The following SIPA1L1 variants were observed in gnomAD, a reference collection of about 807,000 sequenced individuals.
The protein encoded by SIPA1L1 is signal induced proliferation associated 1 like 1.
Under a neutral mutation model 162.7 loss-of-function variants are expected in SIPA1L1, and 26 were observed. That is an observed-to-expected ratio of 0.16 (90% confidence interval 0.12 to 0.22). The LOEUF is 0.22. Ranked by LOEUF, SIPA1L1 falls within the 10% of genes least tolerant of loss-of-function variation. The pLI, the probability that SIPA1L1 is intolerant of heterozygous loss-of-function variation, is 1.00. For missense variants in SIPA1L1, 1,874 were observed against 2,241.0 expected, an observed-to-expected ratio of 0.84 and a Z score of 3.31; for synonymous variants, 829 against 837.4, an observed-to-expected ratio of 0.99 and a Z score of 0.17.
intron 2 of SIPA1L1, chr14:71,330,301 G>A: frequency 5.3e-6 from 4 of 753,304 alleles, no homozygotes; most frequent in Middle Eastern, 3.6e-4. Context: ...CATGTTGTGG[G>A]AGAGTCCACA....
intron 2 of SIPA1L1, among the ~76,000 whole-genome samples, chr14:71,349,040 A>G (rs926829958): frequency 6.6e-6 from 1 of 152,262 alleles, no homozygotes; most frequent in African/African-American, 2.4e-5. Flanking sequence ...TACTGTTAGC[A>G]AAAGACAGGT....
At chr14:71,575,447 G>A (rs2032870769) in intron 4 of SIPA1L1, among the ~76,000 whole-genome samples, 1 of 152,146 alleles carries the variant, frequency 6.6e-6, no homozygotes, top group African/African-American at 2.4e-5. Context: ...AAAATTTTCA[G>A]TAAGCATATA....
chr14:71,696,134 C>T (rs2081608357), intron 13 of SIPA1L1, among the ~76,000 whole-genome samples: 1 of 152,188 alleles, frequency 6.6e-6, no homozygotes, highest in Admixed American at 6.5e-5. Context: ...ACCTGCCCCA[C>T]GCATACACTA....
intron 2 of SIPA1L1, among the ~76,000 whole-genome samples, chr14:71,427,887 A>G (rs2140880217): frequency 6.6e-6 from 1 of 151,422 alleles, no homozygotes; most frequent in Admixed American, 6.6e-5. Context: ...GCCAACAAGT[A>G]TTTTTCAGGG....
intron 2 of SIPA1L1, among the ~76,000 whole-genome samples, chr14:71,510,123 A>G (rs1238265582): frequency 6.8e-6 from 1 of 147,242 alleles, no homozygotes; most frequent in East Asian, 2.0e-4. Flanking sequence ...TTTTCTCTTT[A>G]TACAGCTTGC....
chr14:71,738,949 A>G, intron 23 of SIPA1L1, 69 bp from the exon 24 acceptor site: 2 of 1,532,280 alleles, frequency 1.3e-6, no homozygotes, highest in Admixed American at 2.0e-5. Context: ...GTCCATAGCT[A>G]TTACTCAGAA....
chr14:71,698,154 A>G (rs1408111860), intron 13 of SIPA1L1, among the ~76,000 whole-genome samples: 1 of 152,194 alleles, frequency 6.6e-6, no homozygotes, highest in Admixed American at 6.5e-5. Context: ...CATCGTTACT[A>G]AGGGTTAGCT....
intron 10 of SIPA1L1, among the ~76,000 whole-genome samples, chr14:71,667,283 C>CT (rs1457695807): frequency 6.6e-6 from 1 of 152,088 alleles, no homozygotes; most frequent in Non-Finnish European, 1.5e-5. Flanking sequence ...TCCTGCTTTT[C>CT]TTTTTTCTGA....
At chr14:71,699,248 G>T in intron 14 of SIPA1L1, 121 bp downstream of exon 14, 2 of 969,606 alleles carry the variant, frequency 2.1e-6, no homozygotes, top group East Asian at 4.9e-5. Flanking sequence ...ACAAACAAAA[G>T]AGAAAACGTA....
intron 13 of SIPA1L1, among the ~76,000 whole-genome samples, chr14:71,687,960 A>G (rs946169959): frequency 1.2e-4 from 19 of 152,216 alleles, no homozygotes; most frequent in Non-Finnish European, 2.6e-4. Context: ...TTCAGATCTT[A>G]GGATGCAGGG....
In SIPA1L1 at chr14:71,672,574, C is replaced by A. The variant is rs746877496; in HGVS notation, c.3056C>A (p.Thr1019Lys). The part of the protein sequence containing the change: ...QMIDLLRTSV[T>K]VKVVIIPPHD... ...ATCGACCTCCTGAGAACATCTGTCA[C>A]GGTGAAGGTTGTCATCATTCCCCCG... Residue 1019 changes from threonine to lysine, a missense_variant, in exon 12 of 24, where the codon ACG becomes AAG. Physicochemically the swap from Thr to Lys is moderately conservative, Grantham distance 78. Around this residue, in one of 5 missense-constraint regions of SIPA1L1, gnomAD observed 936 missense variants for 1,051.9 expected, o/e 0.89. Transcript: ENST00000381232. 4 of 1,614,184 alleles carry A rather than the reference C, an allele frequency of 2.5e-6. No individual in the cohort carries two copies. The East Asian group carries it at 8.9e-5, about 36-fold the overall frequency.
chr14:71,662,761 A>G (rs2043645013), intron 10 of SIPA1L1, among the ~76,000 whole-genome samples: 1 of 152,248 alleles, frequency 6.6e-6, no homozygotes, highest in Admixed American at 6.5e-5. Flanking sequence ...ACCCCCAACA[A>G]TGAAGACCTA....
chr14:71,660,272 G>A (rs372142074), intron 9 of SIPA1L1, among the ~76,000 whole-genome samples: 1 of 151,964 alleles, frequency 6.6e-6, no homozygotes, highest in Non-Finnish European at 1.5e-5. Flanking sequence ...TTTTCATAAC[G>A]TCTGTTTGTA....
rs1490205959 is a variant in SIPA1L1, at chr14:71,723,702, T to C, written c.4264T>C (p.Ser1422Pro). 1 of 1,614,072 alleles carries C rather than the reference T, an allele frequency of 6.2e-7. No individual in the cohort carries two copies. The highest frequency in any genetic ancestry group is 8.5e-7 in the Non-Finnish European group (1 of 1,180,036). ...SPVVFTSARS[S>P]PKEELHPAAP... ...AGTGGTTTTCACCAGTGCCCGGAGTTCACCTAAAGAAGAGCTTCATCCAGC... is the reference window on the plus strand; with the variant it reads ...AGTGGTTTTCACCAGTGCCCGGAGTCCACCTAAAGAAGAGCTTCATCCAGC... The change falls in exon 18 of 24, where the codon TCA becomes CCA. Residue 1422 changes from serine (S) to proline (P), a missense_variant. Ser to Pro is a moderately conservative substitution (Grantham distance 74). Around this residue, in one of 5 missense-constraint regions of SIPA1L1, gnomAD observed 936 missense variants for 1,051.9 expected, o/e 0.89. Transcript: ENST00000381232.
chr14:71,678,319 A>G (rs1426533725), intron 12 of SIPA1L1, among the ~76,000 whole-genome samples: 3 of 152,214 alleles, frequency 2.0e-5, no homozygotes, highest in African/African-American at 4.8e-5. Flanking sequence ...AGTCCCATCA[A>G]TACATAATTT....
In SIPA1L1 at chr14:71,590,032, AAAAAAAAAAAAAATAT is replaced by A. The variant is rs1317064327; in HGVS notation, c.1498+664_1498+679del. On this transcript the variant is annotated intron_variant, in intron 5 of 23. Coordinates refer to ENST00000381232, the MANE Select transcript of SIPA1L1 (RefSeq NM_001386936.1). ...TTTGAGTGGGAGAGTAAAAAAAAAAAAAAAAAAAAAAAATATATATATATATATATATATATATATA... is the reference window on the plus strand; with the variant it reads ...TTTGAGTGGGAGAGTAAAAAAAAAAAATATATATATATATATATATATATA... 2.6e-4 allele frequency among the ~76,000 whole-genome samples: 17 copies of A among 64,482 alleles called. No individual in the cohort carries two copies. The East Asian group carries it at 3.4e-3, about 13-fold the overall frequency. The allele number at this position is 64,482 out of a possible 152,430, so 42.3% of individuals were successfully genotyped here. A position where few individuals can be genotyped will look rare whatever the true frequency, so the allele number is the denominator to read the frequency against.
At chr14:71,564,149 A>T (rs141333228) in intron 4 of SIPA1L1, among the ~76,000 whole-genome samples, 7 of 151,812 alleles carry the variant, frequency 4.6e-5, no homozygotes, top group Admixed American at 1.3e-4. Flanking sequence ...GAGTCTTGCT[A>T]TGTTTTCTAG....
At chr14:71,607,833 C>T (rs984330731) in intron 5 of SIPA1L1, among the ~76,000 whole-genome samples, 1 of 152,146 alleles carries the variant, frequency 6.6e-6, no homozygotes, top group African/African-American at 2.4e-5. Flanking sequence ...AACTACCTTG[C>T]TTGCTGATTT....
intron 2 of SIPA1L1, among the ~76,000 whole-genome samples, chr14:71,487,440 A>C (rs1018488994): frequency 6.6e-6 from 1 of 152,224 alleles, no homozygotes; most frequent in Non-Finnish European, 1.5e-5. Flanking sequence ...TCATTTTTTC[A>C]CATTGCATTG....
Sources: gnomAD v4.1 joint callset for allele counts (sites outside exome capture counted in the v4.1 genomes callset) on GRCh38, gnomAD v4.1.1 for gene constraint, gnomAD v4.1.1 regional missense constraint, MANE v1.5 for transcripts, NCBI Gene and HGNC (gene_info 2026-07-23, HGNC 2026-07-21) for gene names.